The following CSMD1 variants were observed in gnomAD, a reference collection of about 807,000 sequenced individuals.
The protein encoded by CSMD1 is CUB and Sushi multiple domains 1, also known as CUB and sushi domain-containing protein 1.
A neutral mutation model predicts 417.5 loss-of-function variants in CSMD1; 213 were observed. That is an observed-to-expected ratio of 0.51 (90% CI 0.46 to 0.57). The LOEUF (loss-of-function observed/expected upper bound fraction) is 0.57. Ranked by LOEUF, CSMD1 falls within the 20% of genes least tolerant of loss-of-function variation. CSMD1 has a pLI of 0.00. For synonymous variants in CSMD1, 2,862 were observed against 1,736.8 expected (o/e 1.65, Z -16.11); for missense variants, 6,923 against 4,529.7 (o/e 1.53, Z -15.17).
intron 1 of CSMD1, among the ~76,000 whole-genome samples, chr8:4,923,746 T>A (rs1806659118): frequency 1.3e-5 from 2 of 152,114 alleles, no homozygotes; most frequent in Non-Finnish European, 2.9e-5. Flanking sequence ...CCAAGGAACC[T>A]TGGAAAGGTC....
chr8:3,463,420 T>G (rs1393182130), intron 12 of CSMD1, among the ~76,000 whole-genome samples: 1 of 152,214 alleles, frequency 6.6e-6, no homozygotes, highest in East Asian at 1.9e-4. Context: ...ATAAACGCTT[T>G]GTGACAGTCA....
intron 5 of CSMD1, among the ~76,000 whole-genome samples, chr8:3,944,297 G>A (rs1811081973): frequency 6.6e-6 from 1 of 152,076 alleles, no homozygotes; most frequent in East Asian, 1.9e-4. Context: ...CTGTCAGTTT[G>A]AGCCCCGGAT....
At chr8:3,426,232 A>G (rs1379846916) in intron 12 of CSMD1, among the ~76,000 whole-genome samples, 6 of 152,204 alleles carry the variant, frequency 3.9e-5, no homozygotes, top group African/African-American at 1.2e-4. Flanking sequence ...TCAGTAATAT[A>G]CACACTACTC....
At chr8:3,417,040 A>C (rs991728013) in intron 12 of CSMD1, among the ~76,000 whole-genome samples, 1 of 152,216 alleles carries the variant, frequency 6.6e-6, no homozygotes, top group Non-Finnish European at 1.5e-5. Flanking sequence ...TGATTTACCA[A>C]GAGTTTAAAT....
At chr8:4,085,717 T>A (rs1800383178) in intron 3 of CSMD1, among the ~76,000 whole-genome samples, 1 of 152,164 alleles carries the variant, frequency 6.6e-6, no homozygotes. Context: ...AATAAAACAT[T>A]CTGGAAATGA....
intron 1 of CSMD1, among the ~76,000 whole-genome samples, chr8:4,884,689 G>A (rs1001705880): frequency 7.9e-5 from 12 of 151,898 alleles, no homozygotes; most frequent in Non-Finnish European, 1.6e-4. Flanking sequence ...GAAAAATAAG[G>A]GTTTATTTTT....
At chr8:3,824,573 A>G (rs1443881867) in intron 5 of CSMD1, among the ~76,000 whole-genome samples, 3 of 152,246 alleles carry the variant, frequency 2.0e-5, no homozygotes, top group East Asian at 1.9e-4. Context: ...TACGGAATGC[A>G]TTTCTGTGAC....
At chr8:3,921,043 G>A (rs1198097220) in intron 5 of CSMD1, among the ~76,000 whole-genome samples, 5 of 151,990 alleles carry the variant, frequency 3.3e-5, no homozygotes, top group African/African-American at 1.2e-4. Context: ...GAAAAGCGTT[G>A]GTTTAGTGTT....
intron 48 of CSMD1, among the ~76,000 whole-genome samples, chr8:3,088,775 T>G (rs756023702): frequency 6.7e-6 from 1 of 149,686 alleles, no homozygotes; most frequent in Non-Finnish European, 1.5e-5. Flanking sequence ...ACCAAAATAC[T>G]TAGTTTAGAC....
intron 10 of CSMD1, among the ~76,000 whole-genome samples, chr8:3,529,019 A>G (rs1338330711): frequency 2.6e-5 from 4 of 152,244 alleles, no homozygotes; most frequent in East Asian, 1.9e-4. Context: ...AATATTATCA[A>G]TCTCAACAGA....
intron 1 of CSMD1, among the ~76,000 whole-genome samples, chr8:4,890,331 T>C (rs1288398923): frequency 2.0e-5 from 3 of 152,120 alleles, no homozygotes; most frequent in African/African-American, 7.2e-5. Flanking sequence ...TCCAGGTTCC[T>C]ATGGATTAGA....
chr8:3,728,487 T>A (rs1316591364), intron 6 of CSMD1, among the ~76,000 whole-genome samples: 4 of 152,140 alleles, frequency 2.6e-5, no homozygotes, highest in African/African-American at 4.8e-5. Flanking sequence ...GAGTAGCAAA[T>A]AATAAGTAAA....
intron 2 of CSMD1, among the ~76,000 whole-genome samples, chr8:4,588,546 G>C (rs141650268): frequency 1.3e-5 from 2 of 151,804 alleles, no homozygotes; most frequent in Non-Finnish European, 2.9e-5. Flanking sequence ...TGTAATCCCA[G>C]CCCTTTCGGA....
intron 5 of CSMD1, among the ~76,000 whole-genome samples, chr8:3,981,085 G>T (rs949210493): frequency 1.3e-5 from 2 of 152,086 alleles, no homozygotes; most frequent in East Asian, 3.9e-4. Context: ...TCCTTCCAAG[G>T]ACTTGCTATT....
intron 1 of CSMD1, among the ~76,000 whole-genome samples, chr8:4,938,133 T>C (rs1426980090): frequency 1.3e-5 from 2 of 152,140 alleles, no homozygotes; most frequent in East Asian, 1.9e-4. Context: ...AAAATACCCA[T>C]TGGTGCACTG....
At chr8:4,701,627 G>A (rs770932839) in intron 1 of CSMD1, among the ~76,000 whole-genome samples, 5 of 152,056 alleles carry the variant, frequency 3.3e-5, no homozygotes, top group African/African-American at 1.2e-4. Flanking sequence ...GCTGTTGACA[G>A]TATACAGGAG....
intron 37 of CSMD1, among the ~76,000 whole-genome samples, chr8:3,177,063 C>T (rs1223306202): frequency 6.6e-6 from 1 of 152,130 alleles, no homozygotes; most frequent in Non-Finnish European, 1.5e-5. Flanking sequence ...TAAGCATGAG[C>T]AACCATGCCC....
At chr8:4,914,369 G>T (rs1273489005) in intron 1 of CSMD1, among the ~76,000 whole-genome samples, 1 of 152,204 alleles carries the variant, frequency 6.6e-6, no homozygotes, top group African/African-American at 2.4e-5. Context: ...GAGGTCAGGA[G>T]ATCGAGACCA....
intron 26 of CSMD1, among the ~76,000 whole-genome samples, chr8:3,254,266 C>T (rs1800480810): frequency 6.6e-6 from 1 of 152,180 alleles, no homozygotes; most frequent in East Asian, 1.9e-4. Context: ...ATGGGCTTCC[C>T]TTTGTGGGTA....
Sources: gnomAD v4.1 joint callset for allele counts (sites outside exome capture counted in the v4.1 genomes callset) on GRCh38, gnomAD v4.1.1 for gene constraint, MANE v1.5 for transcripts, NCBI Gene and HGNC (gene_info 2026-07-23, HGNC 2026-07-21) for gene names.